The following ARID1B variants were observed in gnomAD, a reference collection of about 807,000 sequenced individuals.
ARID1B encodes AT-rich interactive domain-containing protein 1B.
In ARID1B, 30 loss-of-function variants were observed where a neutral mutation model predicts 212.3. The observed-to-expected ratio is 0.14, with a 90% confidence interval of 0.11 to 0.19. The LOEUF is 0.19. Among genes scored for constraint, ARID1B ranks in the 10% least tolerant of loss-of-function variants. The probability of loss-of-function intolerance (pLI) is 1.00; values close to 1 mark genes in which losing one functional copy is unlikely to be tolerated. For synonymous variants in ARID1B, 1,402 were observed against 1,301.7 expected (o/e 1.08, Z -1.66); for missense variants, 2,891 against 3,204.0 (o/e 0.90, Z 2.36).
intron 2 of ARID1B, among the ~76,000 whole-genome samples, chr6:156,884,012 A>G (rs1787311591): frequency 6.6e-6 from 1 of 152,236 alleles, no homozygotes; most frequent in African/African-American, 2.4e-5. Context: ...TCTCTGGGAA[A>G]AAAAATATCG....
At chr6:156,834,717 A>T (rs1159590507) in intron 2 of ARID1B, among the ~76,000 whole-genome samples, 6 of 152,138 alleles carry the variant, frequency 3.9e-5, no homozygotes, top group Non-Finnish European at 7.3e-5. Context: ...GTACACCTGA[A>T]ATGTTTGGAG....
chr6:157,110,290 A>G (rs1286077186), intron 5 of ARID1B, among the ~76,000 whole-genome samples, 182 bp from the exon 6 acceptor site: 3 of 152,172 alleles, frequency 2.0e-5, no homozygotes, highest in Non-Finnish European at 2.9e-5. Flanking sequence ...ATGTTTATTC[A>G]TGTTTCCTCT....
At position 156,829,389 on chromosome 6, in the gene ARID1B, G is replaced by A. The variant is rs201244213; in HGVS notation, c.1954G>A (p.Ala652Thr). ...PIGIQGRTPG[A>T]MAGMQYPQQQ... is the part of the protein sequence containing the mutation. ...TGGCATCCAGGGTCGGACTCCCGGG[G>A]CCATGGCCGGAATGCAGTACCCTCA... Residue 652 changes from alanine (A) to threonine (T), a missense_variant, in exon 2 of 20, where the codon GCC becomes ACC. By Grantham distance (58) the Ala-to-Thr change is moderately conservative. Coordinates refer to ENST00000636930, the MANE Select transcript of ARID1B (RefSeq NM_001374828.1). 6.2e-7 allele frequency: 1 copy of A among 1,614,144 alleles called. No homozygotes were observed.
In ARID1B at chr6:156,779,339, C is replaced by G. The variant is rs991958832; in HGVS notation, c.1659C>G (p.Ala553=). The change falls in exon 1 of 20, where the codon GCC becomes GCG. Residue 553 remains alanine, a synonymous_variant. Coordinates refer to ENST00000636930, the MANE Select transcript of ARID1B (RefSeq NM_001374828.1). The part of the protein sequence containing the change: ...AGAAAGGQQA[A]AGMGLGKDMG... ...CGGCGGCGGGCGGCCAGCAGGCGGC[C>G]GCGGGCATGGGCTTGGGCAAGGACA... The G allele has an allele frequency of 8.7e-7, 1 of 1,155,052 alleles. No homozygotes were observed. The highest frequency in any genetic ancestry group is 1.7e-5 in the African/African-American group (1 of 60,268). The allele number at this position is 1,155,052 out of a possible 1,614,324, so 71.6% of individuals were successfully genotyped here. A position where few individuals can be genotyped will look rare whatever the true frequency, so the allele number is the denominator to read the frequency against.
chr6:157,098,418 G>A (rs1472074233), intron 5 of ARID1B, among the ~76,000 whole-genome samples: 1 of 152,210 alleles, frequency 6.6e-6, no homozygotes, highest in Non-Finnish European at 1.5e-5. Context: ...CCCTCCACAA[G>A]TGGGTTTTCA....
intron 1 of ARID1B, among the ~76,000 whole-genome samples, chr6:156,789,520 A>G (rs1779875376): frequency 1.3e-5 from 2 of 152,244 alleles, no homozygotes. Flanking sequence ...AACATGCTAC[A>G]CAGTAAGGTG....
intron 1 of ARID1B, among the ~76,000 whole-genome samples, chr6:156,811,109 A>T (rs1182133061): frequency 6.6e-6 from 1 of 152,108 alleles, no homozygotes; most frequent in African/African-American, 2.4e-5. Flanking sequence ...CTTCAATGCC[A>T]CCAGCAGAGA....
intron 2 of ARID1B, among the ~76,000 whole-genome samples, chr6:156,839,254 T>C (rs1042619243): frequency 6.6e-6 from 1 of 152,198 alleles, no homozygotes; most frequent in Non-Finnish European, 1.5e-5. Context: ...AAAGGCATGG[T>C]GTTGGCCTCT....
At chr6:156,940,614 G>A (rs962097240) in intron 4 of ARID1B, 3 of 152,202 alleles carry the variant, frequency 2.0e-5, no homozygotes, top group South Asian at 2.1e-4. Flanking sequence ...AGCATGCAGC[G>A]TTCTGCCTTT....
At chr6:156,906,510 A>C (rs1789389570) in intron 3 of ARID1B, among the ~76,000 whole-genome samples, 1 of 126,316 alleles carries the variant, frequency 7.9e-6, no homozygotes, top group Admixed American at 1.1e-4. Context: ...GTGCCATTGC[A>C]CTCTAGCCTG....
At chr6:156,997,068 C>T (rs1778635616) in intron 4 of ARID1B, among the ~76,000 whole-genome samples, 1 of 152,072 alleles carries the variant, frequency 6.6e-6, no homozygotes, top group Non-Finnish European at 1.5e-5. Flanking sequence ...TCTCAATCTC[C>T]AAGGAATTAT....
chr6:156,904,729 A>G (rs62434277), intron 3 of ARID1B, among the ~76,000 whole-genome samples: 9,878 of 152,326 alleles, frequency 0.065, 347 homozygotes, highest in Middle Eastern at 0.12. Context: ...CTGGATGCCA[A>G]CATGACACCA....
chr6:157,142,540 C>T (rs962003073), intron 7 of ARID1B, among the ~76,000 whole-genome samples: 23 of 152,042 alleles, frequency 1.5e-4, no homozygotes, highest in African/African-American at 5.6e-4. Context: ...GTGGGAGGAT[C>T]GCTTAAACTC....
chr6:156,876,119 T>G (rs1786526303), intron 2 of ARID1B, among the ~76,000 whole-genome samples: 1 of 152,252 alleles, frequency 6.6e-6, no homozygotes, highest in Non-Finnish European at 1.5e-5. Flanking sequence ...AGTGTTGACT[T>G]TCCCGTGGTA....
chr6:157,120,031 C>G (rs947732345), intron 6 of ARID1B, among the ~76,000 whole-genome samples: 5 of 152,200 alleles, frequency 3.3e-5, no homozygotes, highest in Admixed American at 3.3e-4. Context: ...CTGCAAAGCA[C>G]CGTGAACATA....
rs192354237 is a variant in ARID1B at position 156,835,784 on chromosome 6, C to T, written c.1986+6363C>T. On this transcript the variant is annotated intron_variant, in intron 2 of 19. Transcript: ENST00000636930. ...AGAGACAAGGTCTTGCTCTGTTGCC[C>T]GGGCTGGAGTGCAGTGGCATGAACA... Among the ~76,000 whole-genome samples the T allele has an allele frequency of 2.9e-3, 447 of 152,128 alleles. 4 individuals carry two copies. Among genetic ancestry groups the T allele is most frequent in the African/African-American group, 0.01 (417 of 41,494 alleles).
intron 4 of ARID1B, among the ~76,000 whole-genome samples, chr6:157,061,710 A>G (rs1377358122): frequency 4.6e-5 from 7 of 152,158 alleles, no homozygotes; most frequent in African/African-American, 1.7e-4. Context: ...GAGTTCCCAT[A>G]TTTTATCTGA....
intron 1 of ARID1B, among the ~76,000 whole-genome samples, chr6:156,785,898 A>T (rs1185270731): frequency 6.6e-6 from 1 of 152,154 alleles, no homozygotes; most frequent in Admixed American, 6.5e-5. Context: ...CTTTGGGGTA[A>T]TCCTCATAGA....
rs781763581 is a variant in ARID1B, at chr6:157,148,734, A to T, written c.2872A>T (p.Ser958Cys). The change falls in exon 8 of 20, where the codon AGC (serine) becomes TGC (cysteine). Residue 958 changes from serine (S) to cysteine (C), a missense_variant. Physicochemically the swap from Ser to Cys is moderately radical, Grantham distance 112. Transcript: ENST00000636930. This position sits in a 1 kb window ranked among gnomAD's most constrained non-coding sequence, Gnocchi z 5.6. ...ANNQMHGQGP[S>C]QPCGAVPLGR... ...CAACCAGATGCATGGACAAGGGCCA[A>T]GCCAGCCATGTGGTGCTGTGCCCCT... 1.9e-6 allele frequency: 3 copies of T among 1,613,234 alleles called. No homozygotes were observed. The highest frequency in any genetic ancestry group is 2.5e-6 in the Non-Finnish European group (3 of 1,179,980).
Sources: allele counts gnomAD v4.1 joint callset (sites outside exome capture counted in the v4.1 genomes callset), GRCh38; gene constraint gnomAD v4.1.1; non-coding constraint Gnocchi (gnomAD v3.1); transcripts MANE v1.5; gene names NCBI Gene and HGNC (gene_info 2026-07-23, HGNC 2026-07-21).